CNTN4: variants seen among roughly 807,000 people sequenced by gnomAD.
CNTN4 encodes contactin 4.
A neutral mutation model predicts 122.5 loss-of-function variants in CNTN4; 77 were observed. The observed-to-expected ratio is 0.63, with a 90% CI of 0.52 to 0.76. The LOEUF is 0.76. Among genes scored for constraint, CNTN4 ranks in the 30% least tolerant of loss-of-function variants. The pLI, the probability that CNTN4 is intolerant of heterozygous loss-of-function variation, is 0.00. For missense variants in CNTN4, 1,256 were observed against 1,259.1 expected (o/e 1.00, Z 0.04); for synonymous variants, 512 against 447.0 (o/e 1.15, Z -1.83).
At chr3:3,033,548 T>C (rs979902081) in intron 16 of CNTN4, among the ~76,000 whole-genome samples, 12 of 152,130 alleles carry the variant, frequency 7.9e-5, no homozygotes, top group Non-Finnish European at 1.2e-4. Context: ...CCTGATAGTA[T>C]TTGGGTAGTA....
chr3:2,520,065 C>T (rs1479791524), intron 3 of CNTN4, among the ~76,000 whole-genome samples: 3 of 152,074 alleles, frequency 2.0e-5, no homozygotes, highest in African/African-American at 7.2e-5. Context: ...AATCATATTA[C>T]AGGTATGAGT....
intron 4 of CNTN4, among the ~76,000 whole-genome samples, chr3:2,600,341 G>A (rs989207378): frequency 2.0e-5 from 3 of 151,842 alleles, no homozygotes; most frequent in Admixed American, 6.6e-5. Flanking sequence ...TCCTAATACT[G>A]TTCCTTCCCC....
chr3:2,521,343 T>TCGGCCCCCCC (rs781282977), intron 3 of CNTN4, among the ~76,000 whole-genome samples: 13 of 128,366 alleles, frequency 1.0e-4, no homozygotes, highest in Non-Finnish European at 1.3e-4. Context: ...CCTCTACCCA[T>TCGGCCCCCCC]CCCCCCCACC....
In CNTN4 at chr3:2,484,525, A is replaced by G. The variant is rs116732094; in HGVS notation, c.-88-86891A>G. Among the ~76,000 whole-genome samples the G allele has an allele frequency of 2.9e-3, 437 of 152,280 alleles. 2 individuals carry two copies. The highest frequency in any genetic ancestry group is 0.01 in the African/African-American group (424 of 41,548). Reference sequence around the variant, plus strand: ...GAAGCAATTTATATGGAATTGCTAAAGGAAATACTGGCTCCTATAGGGGAT... The same window carrying G: ...GAAGCAATTTATATGGAATTGCTAAGGGAAATACTGGCTCCTATAGGGGAT... On this transcript the variant is annotated intron_variant, in intron 3 of 24. Coordinates refer to ENST00000418658, the MANE Select transcript of CNTN4 (RefSeq NM_175607.3).
intron 14 of CNTN4, among the ~76,000 whole-genome samples, chr3:3,002,795 T>C (rs922062118): frequency 3.9e-5 from 6 of 152,228 alleles, no homozygotes; most frequent in Non-Finnish European, 8.8e-5. Flanking sequence ...ATATTCTAAC[T>C]CAGGCACCCC....
intron 13 of CNTN4, among the ~76,000 whole-genome samples, chr3:2,933,084 A>G (rs970119785): frequency 6.6e-6 from 1 of 152,088 alleles, no homozygotes; most frequent in African/African-American, 2.4e-5. Flanking sequence ...GGCCTCCCAA[A>G]GTGCTGGGAT....
intron 23 of CNTN4, among the ~76,000 whole-genome samples, chr3:3,048,320 T>C (rs537127843): frequency 1.3e-4 from 20 of 152,338 alleles, no homozygotes; most frequent in African/African-American, 4.6e-4. Context: ...ATTTACATTA[T>C]ATTAGGTATT....
intron 3 of CNTN4, among the ~76,000 whole-genome samples, chr3:2,393,644 C>A (rs1210823203): frequency 6.6e-6 from 1 of 152,026 alleles, no homozygotes; most frequent in Non-Finnish European, 1.5e-5. Flanking sequence ...AATCATATTA[C>A]CTTCTTTTTT....
At chr3:2,389,198 T>G (rs577353229) in intron 3 of CNTN4, among the ~76,000 whole-genome samples, 178 of 152,114 alleles carry the variant, frequency 1.2e-3, no homozygotes, top group African/African-American at 4.0e-3. Flanking sequence ...ATTTTAACTC[T>G]TGCCACTCAT....
At chr3:2,510,371 T>G (rs1302628002) in intron 3 of CNTN4, among the ~76,000 whole-genome samples, 5 of 106,852 alleles carry the variant, frequency 4.7e-5, no homozygotes, top group African/African-American at 1.4e-4. Flanking sequence ...TTTGTTTGTT[T>G]GGGGTTTTTT....
intron 13 of CNTN4, among the ~76,000 whole-genome samples, chr3:2,958,183 A>G (rs944357370): frequency 6.6e-6 from 1 of 152,202 alleles, no homozygotes; most frequent in Non-Finnish European, 1.5e-5. Flanking sequence ...ACGTGCTGTA[A>G]GAAGCATTGT....
At chr3:2,726,937 ACT>A (rs1489560116) in intron 4 of CNTN4, among the ~76,000 whole-genome samples, 2 of 152,088 alleles carry the variant, frequency 1.3e-5, no homozygotes, top group Non-Finnish European at 2.9e-5. Context: ...GTGTAGGCAA[ACT>A]CTCTGTGCTC....
chr3:2,408,099 C>T (rs1227967920), intron 3 of CNTN4, among the ~76,000 whole-genome samples: 1 of 152,082 alleles, frequency 6.6e-6, no homozygotes, highest in African/African-American at 2.4e-5. Flanking sequence ...TGTTTTTATT[C>T]TGATTGCAGA....
At chr3:2,821,934 G>C (rs963597232) in intron 7 of CNTN4, among the ~76,000 whole-genome samples, 2 of 152,198 alleles carry the variant, frequency 1.3e-5, no homozygotes, top group Non-Finnish European at 2.9e-5. Flanking sequence ...CTGTTCAAAA[G>C]TTGTAATGTT....
At chr3:2,611,685 C>T (rs2081497159) in intron 4 of CNTN4, among the ~76,000 whole-genome samples, 1 of 152,074 alleles carries the variant, frequency 6.6e-6, no homozygotes, top group African/African-American at 2.4e-5. Context: ...AAGGAACCTG[C>T]AAGTGTCAAT....
At chr3:2,168,844 A>G (rs1055587805) in intron 2 of CNTN4, among the ~76,000 whole-genome samples, 3 of 152,178 alleles carry the variant, frequency 2.0e-5, no homozygotes, top group Non-Finnish European at 4.4e-5. Context: ...GGAAAAAGAA[A>G]GAACCACTTT....
chr3:2,720,767 A>C (rs1399149581), intron 4 of CNTN4, among the ~76,000 whole-genome samples: 1 of 152,200 alleles, frequency 6.6e-6, no homozygotes, highest in Non-Finnish European at 1.5e-5. Context: ...AAGAATTATT[A>C]GGTGCCAGAA....
chr3:2,854,268 C>CTTTTTTTTTTTTTTT (rs56147510), intron 7 of CNTN4, among the ~76,000 whole-genome samples: 17 of 90,052 alleles, frequency 1.9e-4, no homozygotes, highest in East Asian at 3.2e-4. Flanking sequence ...CTTTCTTCTT[C>CTTTTTTTTTTTTTTT]TTTTTTTTTT....
intron 3 of CNTN4, among the ~76,000 whole-genome samples, chr3:2,511,053 C>T (rs1157041714): frequency 6.6e-6 from 1 of 152,110 alleles, no homozygotes; most frequent in Non-Finnish European, 1.5e-5. Context: ...CTGAAAAGAA[C>T]ATACACGTGT....
Sources: allele counts gnomAD v4.1 joint callset (sites outside exome capture counted in the v4.1 genomes callset), GRCh38; gene constraint gnomAD v4.1.1; transcripts MANE v1.5; gene names NCBI Gene and HGNC (gene_info 2026-07-23, HGNC 2026-07-21).